The following PIP5K1B variants were observed in gnomAD, a reference collection of about 807,000 sequenced individuals.
PIP5K1B encodes the protein phosphatidylinositol-4-phosphate 5-kinase type 1 beta.
A neutral mutation model predicts 67.0 loss-of-function variants in PIP5K1B; 42 were observed. That is an observed-to-expected ratio of 0.63 (90% CI 0.49 to 0.81). PIP5K1B has a LOEUF of 0.81. Among genes scored for constraint, PIP5K1B ranks in the 30% least tolerant of loss-of-function variants. The pLI is 0.00. For synonymous variants in PIP5K1B, 214 were observed against 231.4 expected, an observed-to-expected ratio of 0.92 and a Z score of 0.68; for missense variants, 459 against 646.3, an observed-to-expected ratio of 0.71 and a Z score of 3.14.
intron 4 of PIP5K1B, among the ~76,000 whole-genome samples, chr9:68,841,585 G>A (rs1230437442): frequency 2.0e-5 from 3 of 152,200 alleles, no homozygotes; most frequent in Non-Finnish European, 2.9e-5. Flanking sequence ...GATAAACTTA[G>A]ATGGATTTTT....
intron 14 of PIP5K1B, among the ~76,000 whole-genome samples, chr9:68,975,047 G>T (rs1829566759): frequency 6.6e-6 from 1 of 152,314 alleles, no homozygotes; most frequent in Admixed American, 6.5e-5. Flanking sequence ...GAAGGGCCTT[G>T]CTTTTTGTTC....
chr9:68,769,377 C>T (rs1260331929), intron 2 of PIP5K1B, among the ~76,000 whole-genome samples: 2 of 151,876 alleles, frequency 1.3e-5, no homozygotes, highest in Admixed American at 1.3e-4. Context: ...TTTTTTCTAG[C>T]TTATATTCTA....
chr9:68,825,075 A>G (rs1325120848), intron 4 of PIP5K1B, among the ~76,000 whole-genome samples: 3 of 152,246 alleles, frequency 2.0e-5, no homozygotes, highest in Non-Finnish European at 4.4e-5. Flanking sequence ...TATTAAACAT[A>G]TGGTTTATAC....
intron 1 of PIP5K1B, among the ~76,000 whole-genome samples, chr9:68,733,385 A>G (rs1050793416): frequency 6.6e-6 from 1 of 152,162 alleles, no homozygotes; most frequent in Non-Finnish European, 1.5e-5. Context: ...TGTGTCTACC[A>G]GTCTAACTGG....
In PIP5K1B at chr9:68,843,210, A is replaced by G. The variant is rs539162103; in HGVS notation, c.69+20527A>G. 9 of 152,400 alleles carry G rather than the reference A, an allele frequency of 5.9e-5. No individual in the cohort carries two copies. In the South Asian group the frequency reaches 1.9e-3, roughly 32 times the overall value. The allele number at this position is 152,400 out of a possible 1,614,324, so 9.4% of individuals were successfully genotyped here. ...CAAGCAGCCCCAGTCAGGGAACCCT[A>G]TGCCAGGGGAGGAATTGGGCCTCAG... On this transcript the variant is annotated intron_variant, in intron 4 of 15. Transcript: ENST00000265382.
intron 12 of PIP5K1B, among the ~76,000 whole-genome samples, chr9:68,934,481 G>C (rs1055039619): frequency 5.9e-5 from 9 of 152,168 alleles, no homozygotes; most frequent in African/African-American, 2.2e-4. Flanking sequence ...CCAGGGTCGT[G>C]AGAATTCTCT....
intron 4 of PIP5K1B, among the ~76,000 whole-genome samples, chr9:68,840,797 C>G (rs1379784697): frequency 6.6e-6 from 1 of 152,198 alleles, no homozygotes; most frequent in African/African-American, 2.4e-5. Flanking sequence ...GTTCATCAAC[C>G]TTGATCGTAT....
chr9:68,930,485 T>C (rs919717044), intron 12 of PIP5K1B, among the ~76,000 whole-genome samples: 1 of 152,160 alleles, frequency 6.6e-6, no homozygotes, highest in African/African-American at 2.4e-5. Flanking sequence ...CACGTGCAGT[T>C]ACTCAGCAAC....
At chr9:68,773,884 T>C (rs1830784301) in intron 2 of PIP5K1B, among the ~76,000 whole-genome samples, 1 of 152,196 alleles carries the variant, frequency 6.6e-6, no homozygotes. Flanking sequence ...TAATCTATTA[T>C]TTTCTTTCAT....
At position 68,923,348 on chromosome 9, in the gene PIP5K1B, T is replaced by C; in HGVS notation, c.1163T>C (p.Leu388Pro). 6.2e-7 allele frequency: 1 copy of C among 1,603,886 alleles called. No homozygotes were observed. The highest frequency in any genetic ancestry group is 1.7e-5 in the Admixed American group (1 of 59,144). Reference protein sequence around the residue: ...HRPSFYADRFLKFMNSRVFKK... With the variant: ...HRPSFYADRFPKFMNSRVFKK... ...CCAAGCTTTTATGCAGACAGATTTCTTAAGTTCATGAATTCCAGAGTTTTC... is the reference window on the plus strand; with the variant it reads ...CCAAGCTTTTATGCAGACAGATTTCCTAAGTTCATGAATTCCAGAGTTTTC... Residue 388 changes from leucine to proline, a missense_variant, in exon 12 of 16, where the codon CTT (leucine) becomes CCT (proline). Transcript: ENST00000265382.
intron 2 of PIP5K1B, among the ~76,000 whole-genome samples, chr9:68,816,517 G>A (rs557975513): frequency 2.0e-5 from 3 of 152,304 alleles, no homozygotes; most frequent in Admixed American, 2.0e-4. Context: ...TGGGGAAGTC[G>A]TGCCAGCAGG....
chr9:68,767,668 A>G (rs1260126093), intron 2 of PIP5K1B, among the ~76,000 whole-genome samples: 1 of 151,978 alleles, frequency 6.6e-6, no homozygotes, highest in African/African-American at 2.4e-5. Context: ...AAGTAGGTAC[A>G]TCACAAGAAT....
intron 12 of PIP5K1B, among the ~76,000 whole-genome samples, chr9:68,933,172 A>G (rs1016133542): frequency 6.6e-6 from 1 of 152,142 alleles, no homozygotes; most frequent in Non-Finnish European, 1.5e-5. Context: ...GAAGGTCTAT[A>G]AAAGTTAGCA....
At chr9:68,969,210 C>A (rs1057389247) in intron 14 of PIP5K1B, among the ~76,000 whole-genome samples, 1 of 151,638 alleles carries the variant, frequency 6.6e-6, no homozygotes, top group South Asian at 2.1e-4. Context: ...CTACTAAAAA[C>A]ACAAAAAATT....
At chr9:68,720,893 G>C (rs962862487) in intron 1 of PIP5K1B, among the ~76,000 whole-genome samples, 4 of 152,198 alleles carry the variant, frequency 2.6e-5, no homozygotes, top group African/African-American at 9.7e-5. Context: ...TCTGGCCCTA[G>C]TTGACTGTTG....
intron 3 of PIP5K1B, among the ~76,000 whole-genome samples, chr9:68,819,290 T>G (rs924925642): frequency 1.3e-5 from 2 of 152,188 alleles, no homozygotes; most frequent in African/African-American, 4.8e-5. Flanking sequence ...GTTTCTCTTT[T>G]TGAGACAGGC....
intron 10 of PIP5K1B, 27 bp from the exon 11 acceptor site, chr9:68,919,654 C>A (rs565330697): frequency 1.9e-5 from 28 of 1,472,758 alleles, no homozygotes; most frequent in Non-Finnish European, 2.6e-5. Flanking sequence ...TTTACATTCT[C>A]ATTTCAATTT....
chr9:68,951,217 G>A (rs1182199283), intron 14 of PIP5K1B, among the ~76,000 whole-genome samples: 3 of 152,176 alleles, frequency 2.0e-5, no homozygotes, highest in African/African-American at 7.2e-5. Context: ...AAAAATTAGT[G>A]TGTGGAAGGT....
At position 69,003,873 on chromosome 9, in the gene PIP5K1B, T is replaced by C. The variant is rs527542586; in HGVS notation, c.1621-4574T>C. Among the ~76,000 whole-genome samples the C allele has an allele frequency of 9.8e-5, 15 of 152,330 alleles. 1 individual carries two copies. In the South Asian group the frequency reaches 3.1e-3, roughly 32 times the overall value. On this transcript the variant is annotated intron_variant, in intron 15 of 15. Transcript: ENST00000265382. Reference sequence around the variant, plus strand: ...TGGGCTCCCCTCCAGGGGATCCGACTTCACAGTACAGTCAGCCCCCTAGAA... The same window carrying C: ...TGGGCTCCCCTCCAGGGGATCCGACCTCACAGTACAGTCAGCCCCCTAGAA...
Sources: gnomAD v4.1 joint callset for allele counts (sites outside exome capture counted in the v4.1 genomes callset) on GRCh38, gnomAD v4.1.1 for gene constraint, MANE v1.5 for transcripts, NCBI Gene and HGNC (gene_info 2026-07-23, HGNC 2026-07-21) for gene names.